PCDH15: variants seen among roughly 807,000 people sequenced by gnomAD.
The protein encoded by PCDH15 is protocadherin related 15, also known as protocadherin-15.
A neutral mutation model predicts 178.5 loss-of-function variants in PCDH15; 129 were observed. The observed-to-expected ratio is 0.72, with a 90% CI of 0.63 to 0.84. The LOEUF (loss-of-function observed/expected upper bound fraction) is 0.84. PCDH15 is among the 40% of genes least tolerant of loss of function. The pLI, the probability that PCDH15 is intolerant of heterozygous loss-of-function variation, is 0.00. For synonymous variants in PCDH15, 800 were observed against 732.0 expected (o/e 1.09, Z -1.50); for missense variants, 2,230 against 2,099.9 (o/e 1.06, Z -1.21).
chr10:55,037,441 C>T (rs1840765743), intron 2 of PCDH15, among the ~76,000 whole-genome samples: 1 of 152,076 alleles, frequency 6.6e-6, no homozygotes, highest in African/African-American at 2.4e-5. Flanking sequence ...ACCATGTTGG[C>T]CAGGCTGGTC....
At chr10:55,594,922 G>A (rs1842909968) in intron 2 of PCDH15, among the ~76,000 whole-genome samples, 1 of 151,938 alleles carries the variant, frequency 6.6e-6, no homozygotes, top group Non-Finnish European at 1.5e-5. Flanking sequence ...TAAGAATATT[G>A]ACTTTAAAAG....
intron 2 of PCDH15, among the ~76,000 whole-genome samples, chr10:55,546,707 T>C (rs1356735212): frequency 6.6e-6 from 1 of 152,194 alleles, no homozygotes; most frequent in Non-Finnish European, 1.5e-5. Context: ...TAGTTTTATC[T>C]GCTTACTTGT....
At chr10:55,245,854 T>C (rs932634043) in intron 1 of PCDH15, among the ~76,000 whole-genome samples, 2 of 152,310 alleles carry the variant, frequency 1.3e-5, no homozygotes, top group Admixed American at 1.3e-4. Flanking sequence ...AATGCTTTCC[T>C]TAGATCAGAG....
intron 3 of PCDH15, among the ~76,000 whole-genome samples, chr10:54,440,204 C>T (rs1483542936): frequency 2.0e-5 from 3 of 151,892 alleles, no homozygotes; most frequent in Admixed American, 6.6e-5. Flanking sequence ...GCTTAATGAA[C>T]GGAGGTTTGT....
At chr10:54,626,049 CT>C (rs1159435148) in intron 2 of PCDH15, among the ~76,000 whole-genome samples, 4 of 152,136 alleles carry the variant, frequency 2.6e-5, no homozygotes, top group Non-Finnish European at 5.9e-5. Flanking sequence ...CATTTTGCCC[CT>C]GCCTTAGAGA....
chr10:54,755,714 T>C (rs1946988184), intron 1 of PCDH15, among the ~76,000 whole-genome samples: 2 of 152,176 alleles, frequency 1.3e-5, no homozygotes, highest in African/African-American at 4.8e-5. Context: ...GTATTTTTCA[T>C]TTTAAATCAG....
Position 54,873,170 on chromosome 10 carries a change from GAT to G in PCDH15, c.-29+24278_-29+24279del, listed in dbSNP as rs766164508. Reference sequence around the variant, plus strand: ...GAATTGATACACTTTCTAAAAAGGGGATATGTTTTTTATATATCGTAGGTTCT... The same window carrying G: ...GAATTGATACACTTTCTAAAAAGGGGATGTTTTTTATATATCGTAGGTTCT... On this transcript the variant is annotated intron_variant, in intron 3 of 5. Transcript: ENST00000458638. Among the ~76,000 whole-genome samples the G allele has an allele frequency of 5.9e-5, 9 of 152,152 alleles. No individual in the cohort carries two copies. In the Middle Eastern group the frequency reaches 0.01, roughly 173 times the overall value.
chr10:55,573,345 G>A (rs1842441419), intron 2 of PCDH15, among the ~76,000 whole-genome samples: 1 of 152,094 alleles, frequency 6.6e-6, no homozygotes, highest in South Asian at 2.1e-4. Context: ...TATTCCAGCA[G>A]CCACTTCCTG....
chr10:54,793,113 T>C (rs1951588560), intron 1 of PCDH15, among the ~76,000 whole-genome samples: 1 of 151,862 alleles, frequency 6.6e-6, no homozygotes, highest in South Asian at 2.1e-4. Context: ...CCAATATCAG[T>C]AGGCTCAGGG....
intron 2 of PCDH15, among the ~76,000 whole-genome samples, chr10:55,594,350 A>T (rs75340070): frequency 6.6e-6 from 1 of 152,118 alleles, no homozygotes; most frequent in Non-Finnish European, 1.5e-5. Context: ...ATAAGAACTC[A>T]AAATTTTTTT....
intron 10 of PCDH15, among the ~76,000 whole-genome samples, chr10:54,208,741 G>A (rs2051088123): frequency 1.3e-5 from 2 of 152,022 alleles, no homozygotes; most frequent in Admixed American, 6.6e-5. Flanking sequence ...GCGTGTGCGT[G>A]TGCATGTGTG....
chr10:55,286,940 C>A (rs1303239605), intron 1 of PCDH15, among the ~76,000 whole-genome samples: 1 of 151,994 alleles, frequency 6.6e-6, no homozygotes. Flanking sequence ...TTCTTTTAAA[C>A]TCTCAAATCA....
intron 2 of PCDH15, among the ~76,000 whole-genome samples, chr10:54,921,710 AT>A (rs928103971): frequency 6.6e-6 from 1 of 152,096 alleles, no homozygotes; most frequent in Non-Finnish European, 1.5e-5. Context: ...TATGTACCAC[AT>A]TTTTTTCATT....
intron 2 of PCDH15, among the ~76,000 whole-genome samples, chr10:54,645,092 T>G (rs2094097957): frequency 6.6e-6 from 1 of 152,194 alleles, no homozygotes; most frequent in Admixed American, 6.5e-5. Context: ...CTAGGGCATG[T>G]AAATATTGGT....
chr10:55,310,982 A>C (rs7068040), intron 1 of PCDH15, among the ~76,000 whole-genome samples: 31,049 of 152,114 alleles, frequency 0.2, 5,002 homozygotes, highest in African/African-American at 0.45. Flanking sequence ...ATGTAACAAA[A>C]CTGCACATGT....
intron 13 of PCDH15, among the ~76,000 whole-genome samples, chr10:54,175,857 A>G (rs1252718861): frequency 6.6e-6 from 1 of 152,186 alleles, no homozygotes; most frequent in Non-Finnish European, 1.5e-5. Flanking sequence ...TATATTACCT[A>G]TGATATAGAA....
At chr10:54,262,244 C>T (rs1054029831) in intron 8 of PCDH15, among the ~76,000 whole-genome samples, 3 of 152,098 alleles carry the variant, frequency 2.0e-5, no homozygotes, top group Non-Finnish European at 2.9e-5. Flanking sequence ...CCACAAGTCT[C>T]CATTTCATAC....
At chr10:54,590,311 C>T (rs950813117) in intron 2 of PCDH15, among the ~76,000 whole-genome samples, 1 of 152,170 alleles carries the variant, frequency 6.6e-6, no homozygotes, top group Non-Finnish European at 1.5e-5. Flanking sequence ...ATACATTTGC[C>T]TGACTCCAAA....
At chr10:53,852,238 C>G (rs1221367595) in intron 28 of PCDH15, among the ~76,000 whole-genome samples, 3 of 151,906 alleles carry the variant, frequency 2.0e-5, no homozygotes, top group African/African-American at 7.3e-5. Context: ...AGTTACGTGT[C>G]CCTACTGTTA....
Sources: gnomAD v4.1 joint callset for allele counts (sites outside exome capture counted in the v4.1 genomes callset) on GRCh38, gnomAD v4.1.1 for gene constraint, MANE v1.5 for transcripts, NCBI Gene and HGNC (gene_info 2026-07-23, HGNC 2026-07-21) for gene names.